AKT3: variants seen among roughly 807,000 people sequenced by gnomAD.
AKT3 encodes the protein RAC-gamma serine/threonine-protein kinase.
Under a neutral mutation model 65.3 loss-of-function variants are expected in AKT3, and 15 were observed. That is an observed-to-expected ratio of 0.23 (90% CI 0.15 to 0.35). The LOEUF (loss-of-function observed/expected upper bound fraction) is 0.35, where lower values mean the gene tolerates loss of function less well. Ranked by LOEUF, AKT3 falls within the 10% of genes least tolerant of loss-of-function variation. The probability of loss-of-function intolerance (pLI) is 1.00; values close to 1 mark genes in which losing one functional copy is unlikely to be tolerated. For missense variants in AKT3, 243 were observed against 576.5 expected (o/e 0.42, Z 5.92); for synonymous variants, 206 against 183.8 (o/e 1.12, Z -0.98).
At chr1:243,578,639 T>C (rs12408455) in intron 8 of AKT3, among the ~76,000 whole-genome samples, 35,518 of 152,040 alleles carry the variant, frequency 0.23, 4,538 homozygotes, top group African/African-American at 0.33. Context: ...GGCACACATT[T>C]ACCTATGTAA....
chr1:243,675,311 T>C (rs1683426413), intron 3 of AKT3, among the ~76,000 whole-genome samples: 1 of 152,226 alleles, frequency 6.6e-6, no homozygotes, highest in Non-Finnish European at 1.5e-5. Context: ...GCCATTCTCC[T>C]GCCTCAGCCT....
At chr1:243,703,656 A>C (rs1320747379) in intron 2 of AKT3, among the ~76,000 whole-genome samples, 1 of 149,886 alleles carries the variant, frequency 6.7e-6, no homozygotes, top group African/African-American at 2.5e-5. Context: ...GCTACTCGGG[A>C]GGCTGAGGCA....
Position 243,833,920 on chromosome 1 carries a change from C to T in AKT3, c.46+9205G>A, listed in dbSNP as rs141695684. On this transcript the variant is annotated intron_variant, in intron 2 of 13. Transcript: ENST00000673466. The stretch of plus-strand genomic sequence containing the variant: ...ATAAAAAAATAATTTAAAAATTAGC[C>T]GGCCACATATACGATTTTTAAAACT... Among the ~76,000 whole-genome samples, 592 of 151,744 alleles carry T rather than the reference C, an allele frequency of 3.9e-3. 17 individuals are homozygous for T. Among genetic ancestry groups the T allele is most frequent in the Admixed American group, 0.036 (551 of 15,236 alleles).
intron 2 of AKT3, among the ~76,000 whole-genome samples, chr1:243,709,155 C>T (rs1215257619): frequency 1.3e-5 from 2 of 150,588 alleles, no homozygotes; most frequent in Non-Finnish European, 3.0e-5. Context: ...TATGATAGAC[C>T]TTTACTTTAA....
intron 10 of AKT3, among the ~76,000 whole-genome samples, chr1:243,563,230 AG>A (rs1673917618): frequency 6.6e-6 from 1 of 152,300 alleles, no homozygotes; most frequent in African/African-American, 2.4e-5. Context: ...CCCTTAGCAC[AG>A]GGAAGTTACC....
chr1:243,689,034 C>T (rs1209090463), intron 3 of AKT3, among the ~76,000 whole-genome samples: 1 of 152,166 alleles, frequency 6.6e-6, no homozygotes. Context: ...CAGTCAACCT[C>T]GCCAACACTT....
chr1:243,773,506 G>T (rs1203354126), intron 2 of AKT3, among the ~76,000 whole-genome samples: 4 of 151,984 alleles, frequency 2.6e-5, no homozygotes, highest in Non-Finnish European at 5.9e-5. Flanking sequence ...CCCAGCTACT[G>T]GGGAGGGAGA....
intron 13 of AKT3, among the ~76,000 whole-genome samples, chr1:243,511,965 T>A (rs1670041888): frequency 6.6e-6 from 1 of 152,334 alleles, no homozygotes. Context: ...GAAGGTTATG[T>A]GGGAATGAAC....
chr1:243,648,647 T>C (rs1313222627), intron 4 of AKT3, among the ~76,000 whole-genome samples: 4 of 152,198 alleles, frequency 2.6e-5, no homozygotes, highest in African/African-American at 7.2e-5. Flanking sequence ...TGTAGAGGAT[T>C]GGTCAAATTT....
At chr1:243,681,085 T>G (rs1357966814) in intron 3 of AKT3, among the ~76,000 whole-genome samples, 2 of 152,156 alleles carry the variant, frequency 1.3e-5, no homozygotes, top group Non-Finnish European at 2.9e-5. Context: ...ACTTGAAAGC[T>G]GCAGGTTTAT....
chr1:243,562,833 T>G (rs901466743), intron 10 of AKT3, among the ~76,000 whole-genome samples: 1 of 152,114 alleles, frequency 6.6e-6, no homozygotes, highest in Non-Finnish European at 1.5e-5. Flanking sequence ...ACCTCATACA[T>G]AGTGGAGAAT....
intron 8 of AKT3, among the ~76,000 whole-genome samples, chr1:243,604,900 A>G (rs1401931992): frequency 6.6e-6 from 1 of 152,218 alleles, no homozygotes; most frequent in Non-Finnish European, 1.5e-5. Context: ...AAGGTATCAA[A>G]AATAATCAAA....
At chr1:243,574,812 T>G (rs1674823860) in intron 8 of AKT3, among the ~76,000 whole-genome samples, 1 of 152,158 alleles carries the variant, frequency 6.6e-6, no homozygotes, top group Non-Finnish European at 1.5e-5. Context: ...GGAGTTGCAG[T>G]AGTCTTCTAA....
chr1:243,741,500 G>C (rs1384117880), intron 2 of AKT3, among the ~76,000 whole-genome samples: 1 of 152,188 alleles, frequency 6.6e-6, no homozygotes, highest in African/African-American at 2.4e-5. Flanking sequence ...GAGTTAAAGA[G>C]AGGGAATCAA....
chr1:243,830,984 G>C (rs1041376365), intron 2 of AKT3, among the ~76,000 whole-genome samples: 13 of 152,122 alleles, frequency 8.5e-5, no homozygotes, highest in African/African-American at 2.4e-4. Context: ...TAGAATTCCA[G>C]TGCTGCCCTT....
chr1:243,500,887 T>C lies in AKT3; in HGVS notation c.*4362A>G, dbSNP rs1419489472. 4.4e-6 allele frequency: 1 copy of C among 228,408 alleles called. No individual in the cohort carries two copies. The highest frequency in any genetic ancestry group is 8.7e-6 in the Non-Finnish European group (1 of 115,156). The allele number at this position is 228,408 out of a possible 1,614,324, so 14.1% of individuals were successfully genotyped here. A position where few individuals can be genotyped will look rare whatever the true frequency, so the allele number is the denominator to read the frequency against. ...TTCAGAAGTTTTTTATTTCATCAAA[T>C]GTGCTAGACATAAAGGCTGTCACAT... On this transcript the variant is annotated 3_prime_UTR_variant, in exon 14 of 14. Transcript: ENST00000673466.
At chr1:243,517,964 T>C (rs1390945316) in intron 12 of AKT3, among the ~76,000 whole-genome samples, 1 of 152,234 alleles carries the variant, frequency 6.6e-6, no homozygotes, top group Non-Finnish European at 1.5e-5. Flanking sequence ...AATCATTCAG[T>C]CTTGCAGCTG....
chr1:243,540,251 T>C (rs890363161), intron 12 of AKT3, among the ~76,000 whole-genome samples: 16 of 152,074 alleles, frequency 1.1e-4, no homozygotes, highest in South Asian at 2.1e-4. Context: ...CATGAACAAG[T>C]GGTTTTTTTC....
intron 3 of AKT3, among the ~76,000 whole-genome samples, chr1:243,672,165 A>G (rs1683198073): frequency 6.6e-6 from 1 of 152,218 alleles, no homozygotes; most frequent in Admixed American, 6.5e-5. Flanking sequence ...ATCCCCTAGC[A>G]GGATGCTGAT....
Sources: allele counts gnomAD v4.1 joint callset (sites outside exome capture counted in the v4.1 genomes callset), GRCh38; gene constraint gnomAD v4.1.1; transcripts MANE v1.5; gene names NCBI Gene and HGNC (gene_info 2026-07-23, HGNC 2026-07-21).